Variants in PIK3R1 observed in about 807,000 individuals in gnomAD.
PIK3R1 encodes phosphoinositide-3-kinase regulatory subunit 1.
Under a neutral mutation model 98.0 loss-of-function variants are expected in PIK3R1, and 29 were observed. The ratio of observed to expected loss-of-function variants is 0.30; its 90% CI spans 0.22 to 0.40. The LOEUF is 0.40. PIK3R1 is among the 10% of genes least tolerant of loss of function. The pLI, the probability that PIK3R1 is intolerant of heterozygous loss-of-function variation, is 1.00. For missense variants in PIK3R1, 596 were observed against 872.7 expected (o/e 0.68, Z 3.99); for synonymous variants, 282 against 311.8 (o/e 0.90, Z 1.01).
chr5:68,290,489 C>T (rs773097166), intron 7 of PIK3R1: 5 of 387,596 alleles, frequency 1.3e-5, no homozygotes, highest in Non-Finnish European at 2.3e-5. Flanking sequence ...GTATATATTG[C>T]AGTTCTATTA....
chr5:68,295,179 C>G lies in PIK3R1; in HGVS notation c.1600C>G (p.Arg534Gly), dbSNP rs1747639229. Reference protein sequence around the residue: ...IMHNYDKLKSRISEIIDSRRR... With the variant: ...IMHNYDKLKSGISEIIDSRRR... ...GCATAATTATGATAAGTTGAAGTCT[C>G]GAATCAGTGAAATTATTGACAGTAG... The change falls in exon 13 of 16, where the codon CGA (arginine) becomes GGA (glycine). Residue 534 changes from arginine to glycine, a missense_variant. Around this residue, in one of 3 missense-constraint regions of PIK3R1, gnomAD observed 207 missense variants for 361.4 expected, o/e 0.57. Coordinates refer to ENST00000521381, the MANE Select transcript of PIK3R1 (RefSeq NM_181523.3). The G allele has an allele frequency of 1.2e-6, 2 of 1,613,754 alleles. No homozygotes were observed. Among genetic ancestry groups the G allele is most frequent in the Non-Finnish European group, 1.7e-6 (2 of 1,179,808 alleles).
At chr5:68,252,108 G>A (rs1745334536) in intron 2 of PIK3R1, among the ~76,000 whole-genome samples, 2 of 152,254 alleles carry the variant, frequency 1.3e-5, no homozygotes, top group South Asian at 4.1e-4. Context: ...GCCCAGCAGG[G>A]ATGAAAAAGG....
intron 2 of PIK3R1, among the ~76,000 whole-genome samples, chr5:68,252,370 T>C (rs941097849): frequency 1.6e-4 from 7 of 42,648 alleles, no homozygotes; most frequent in Admixed American, 8.1e-4. Context: ...TTACTGAATT[T>C]ACAAAAAAAA....
chr5:68,285,653 T>C (rs1001798797), intron 7 of PIK3R1, among the ~76,000 whole-genome samples: 1 of 152,230 alleles, frequency 6.6e-6, no homozygotes, highest in East Asian at 1.9e-4. Flanking sequence ...ACAGTGCAGA[T>C]GTCTCTTTGT....
intron 2 of PIK3R1, among the ~76,000 whole-genome samples, chr5:68,261,830 C>T (rs1354517805): frequency 2.6e-5 from 4 of 152,186 alleles, no homozygotes. Context: ...CATAAAGTTA[C>T]TGAGGCCTAA....
intron 4 of PIK3R1, 91 bp from the exon 5 acceptor site, chr5:68,279,507 TTTTG>T: frequency 1.1e-6 from 1 of 894,426 alleles, no homozygotes; most frequent in Non-Finnish European, 1.7e-6. Context: ...TTTTTTTTTT[TTTTG>T]TCACATGTGA....
At chr5:68,224,167 A>G (rs549005148) in intron 1 of PIK3R1, among the ~76,000 whole-genome samples, 20 of 152,224 alleles carry the variant, frequency 1.3e-4, no homozygotes, top group Non-Finnish European at 2.5e-4. Context: ...GCATTTAGGG[A>G]TATGTAAATG....
At position 68,246,942 on chromosome 5, in the gene PIK3R1, A is replaced by AAGGCAGTCT. The variant is rs1275896825; in HGVS notation, c.334+19934_334+19942dup. On this transcript the variant is annotated intron_variant, in intron 2 of 15. Transcript: ENST00000521381. ...TGCTGAGCCTTAAGAGGGGAGAGGA[A>AAGGCAGTCT]AGGCAGTCTTTCTGAAGCTGAATCC... Among the ~76,000 whole-genome samples the AAGGCAGTCT allele has an allele frequency of 1.2e-4, 19 of 152,372 alleles. 1 individual carries two copies. The highest frequency in any genetic ancestry group is 1.2e-3 in the Admixed American group (18 of 15,308).
chr5:68,226,120 T>C (rs941637280), intron 1 of PIK3R1, among the ~76,000 whole-genome samples, 170 bp from the exon 2 acceptor site: 1 of 152,158 alleles, frequency 6.6e-6, no homozygotes, highest in Non-Finnish European at 1.5e-5. Flanking sequence ...CCGGTGTTCT[T>C]AGAAGGCAGG....
chr5:68,222,394 G>T (rs1744122040), intron 1 of PIK3R1, among the ~76,000 whole-genome samples: 1 of 152,162 alleles, frequency 6.6e-6, no homozygotes, highest in Non-Finnish European at 1.5e-5. Flanking sequence ...CTAAGGAGGA[G>T]CTGGGTTATT....
intron 2 of PIK3R1, among the ~76,000 whole-genome samples, chr5:68,263,444 A>G (rs1396050701): frequency 6.6e-6 from 1 of 151,838 alleles, no homozygotes; most frequent in African/African-American, 2.4e-5. Context: ...TTATAATTCT[A>G]AAACCATAAC....
intron 1 of PIK3R1, among the ~76,000 whole-genome samples, chr5:68,216,865 A>G (rs1743903938): frequency 6.6e-6 from 1 of 152,212 alleles, no homozygotes; most frequent in Non-Finnish European, 1.5e-5. Flanking sequence ...ATACACTTTG[A>G]TAACCAGAAT....
chr5:68,282,798 T>G (rs2112203361), intron 7 of PIK3R1, among the ~76,000 whole-genome samples: 1 of 152,324 alleles, frequency 6.6e-6, no homozygotes, highest in African/African-American at 2.4e-5. Flanking sequence ...CCTTGAACAT[T>G]TGCTAGATCA....
chr5:68,218,077 A>T (rs879674828), intron 1 of PIK3R1, among the ~76,000 whole-genome samples: 1 of 152,082 alleles, frequency 6.6e-6, no homozygotes, highest in African/African-American at 2.4e-5. Context: ...TTTGTTTCCC[A>T]TTTATTGAAT....
At chr5:68,245,457 G>C (rs1472836755) in intron 2 of PIK3R1, among the ~76,000 whole-genome samples, 1 of 152,126 alleles carries the variant, frequency 6.6e-6, no homozygotes, top group Non-Finnish European at 1.5e-5. Context: ...TCCATTCATT[G>C]TTCTTGCTTA....
chr5:68,290,540 G>A, intron 7 of PIK3R1: 1 of 643,156 alleles, frequency 1.6e-6, no homozygotes, highest in South Asian at 4.3e-5. Context: ...GTTAAGGCTG[G>A]TATGGAAGAG....
At position 68,262,794 on chromosome 5, in the gene PIK3R1, T is replaced by C. The variant is rs1323361476; in HGVS notation, c.335-10596T>C. Among the ~76,000 whole-genome samples, 2 of 4,708 alleles carry C rather than the reference T, an allele frequency of 4.2e-4. 1 individual carries two copies. 3.1% of individuals were successfully genotyped at this position (4,708 alleles called of 152,430 possible). On this transcript the variant is annotated intron_variant, in intron 2 of 15. Coordinates refer to ENST00000521381, the MANE Select transcript of PIK3R1 (RefSeq NM_181523.3). ...ATGTAGATGCATGTAGATACATGTA[T>C]ACGTAGATACATGTATACATGTAGA... is the stretch of plus-strand genomic sequence containing the variant.
At chr5:68,226,113 G>A (rs1354053099) in intron 1 of PIK3R1, among the ~76,000 whole-genome samples, 177 bp from the exon 2 acceptor site, 1 of 152,102 alleles carries the variant, frequency 6.6e-6, no homozygotes, top group Admixed American at 6.5e-5. Context: ...CCCCCGCCCG[G>A]TGTTCTTAGA....
At chr5:68,236,471 G>A (rs1418442132) in intron 2 of PIK3R1, among the ~76,000 whole-genome samples, 2 of 150,262 alleles carry the variant, frequency 1.3e-5, no homozygotes, top group Non-Finnish European at 3.0e-5. Flanking sequence ...GGATGGTCTC[G>A]ATCTCTTGAC....
Sources: allele counts gnomAD v4.1 joint callset (sites outside exome capture counted in the v4.1 genomes callset), GRCh38; gene constraint gnomAD v4.1.1; regional missense constraint gnomAD v4.1.1; transcripts MANE v1.5; gene names NCBI Gene and HGNC (gene_info 2026-07-23, HGNC 2026-07-21).